PLXNB3: variants seen among roughly 807,000 people sequenced by gnomAD.
PLXNB3 encodes plexin-B3.
In PLXNB3, 80 loss-of-function variants were observed where a neutral mutation model predicts 125.7. The observed-to-expected ratio is 0.64, with a 90% confidence interval of 0.53 to 0.77. The LOEUF (loss-of-function observed/expected upper bound fraction) is 0.77. Ranked by LOEUF, PLXNB3 falls within the 30% of genes least tolerant of loss-of-function variation. PLXNB3 has a pLI of 0.00. For synonymous variants in PLXNB3, 954 were observed against 783.3 expected (o/e 1.22, Z -3.64); for missense variants, 1,836 against 1,729.3 (o/e 1.06, Z -1.09).
intron 14 of PLXNB3, 32 bp from the exon 15 acceptor site, chrX:153,771,832 G>T: frequency 8.4e-7 from 1 of 1,197,321 alleles, no homozygotes. Context: ...TGGGTGCGGG[G>T]GACCCCATCT....
Position 153,769,832 on chromosome X carries a change from C to T in PLXNB3, c.1522C>T (p.Arg508Trp), listed in dbSNP as rs782060934. The T allele has an allele frequency of 1.3e-5, 16 of 1,203,912 alleles. No individual in the cohort carries two copies. The highest frequency in any genetic ancestry group is 3.0e-5 in the East Asian group (1 of 33,608). Residue 508 changes from arginine to tryptophan, a missense_variant, in exon 7 of 36, where the codon CGG becomes TGG. Physicochemically the swap from Arg to Trp is moderately radical, Grantham distance 101. Transcript: ENST00000361971. Reference sequence around the variant, plus strand: ...GTGTACCCGGAAGGGCCAGTGCGGGCGGGCAGGCCAGCTGAACCAGTGGCT... The same window carrying T: ...GTGTACCCGGAAGGGCCAGTGCGGGTGGGCAGGCCAGCTGAACCAGTGGCT... ...GRCTRKGQCG[R>W]AGQLNQWLWS...
intron 2 of PLXNB3, chrX:153,766,406 G>C (rs964419739): frequency 1.0e-5 from 11 of 1,082,374 alleles, no homozygotes; most frequent in Admixed American, 3.9e-5. Context: ...CTCTTGTCTG[G>C]GTGGTGGGCG....
chrX:153,773,998 A>G lies in PLXNB3; in HGVS notation c.3419A>G (p.Gln1140Arg), dbSNP rs1557062967. The G allele has an allele frequency of 1.7e-6, 2 of 1,208,577 alleles. No individual in the cohort carries two copies. Among genetic ancestry groups the G allele is most frequent in the East Asian group, 5.9e-5 (2 of 33,829 alleles). Residue 1140 changes from glutamine to arginine, a missense_variant, in exon 20 of 36, where the codon CAG becomes CGG. Physicochemically the swap from Gln to Arg is conservative, Grantham distance 43 (BLOSUM62 1). Coordinates refer to ENST00000361971, the MANE Select transcript of PLXNB3 (RefSeq NM_005393.3). ...GACTTCGCCAGTGCCAGTGGGGGCC[A>G]GGGCTTCCTGTACCAGCCCAACCCC... ...QVDFASASGG[Q>R]GFLYQPNPRL...
chrX:153,774,749 G>A lies in PLXNB3; in HGVS notation c.3874G>A (p.Val1292Met), dbSNP rs1557063401. The A allele has an allele frequency of 1.7e-6, 2 of 1,196,814 alleles. No individual in the cohort carries two copies. Among genetic ancestry groups the A allele is most frequent in the Non-Finnish European group, 2.3e-6 (2 of 887,560 alleles). ...QALRDYQKVL[V>M]QLESLETGVG... Reference sequence around the variant, plus strand: ...CCTGCGGGACTACCAGAAGGTGCTAGTGCAGCTGGAGAGCCTGGAGACCGG... The same window carrying A: ...CCTGCGGGACTACCAGAAGGTGCTAATGCAGCTGGAGAGCCTGGAGACCGG... Residue 1292 changes from valine to methionine, a missense_variant, in exon 23 of 36, where the codon GTG (valine) becomes ATG (methionine). Val to Met is a conservative substitution (Grantham distance 21). Coordinates refer to ENST00000361971, the MANE Select transcript of PLXNB3 (RefSeq NM_005393.3).
In PLXNB3 at chrX:153,773,068, G is replaced by C. The variant is rs782704184; in HGVS notation, c.2906+52G>C. 3 of 1,111,964 alleles carry C rather than the reference G, an allele frequency of 2.7e-6. No homozygotes were observed. The African/African-American group carries it at 5.5e-5, about 20-fold the overall frequency. The allele number at this position is 1,111,964 out of a possible 1,213,427, so 91.6% of individuals were successfully genotyped here. A position where few individuals can be genotyped will look rare whatever the true frequency, so the allele number is the denominator to read the frequency against. ...GTGGTGGGCACTCCCATAGGCCTCA[G>C]TGGGGGTGGTACATTTAGAGAAGTG... On this transcript the variant is annotated intron_variant, in intron 17 of 35. Transcript: ENST00000361971.
chrX:153,771,782 T>C (rs1557061992), intron 14 of PLXNB3, 82 bp from the exon 15 acceptor site: 1 of 1,147,304 alleles, frequency 8.7e-7, no homozygotes, highest in African/African-American at 1.8e-5. Context: ...CTGGCTGGGC[T>C]GGTTGGCTGG....
Position 153,776,203 on chromosome X carries a change from C to T in PLXNB3, c.4718C>T (p.Ala1573Val), listed in dbSNP as rs781853080. The change falls in exon 27 of 36, where the codon GCC (alanine) becomes GTC (valine). Residue 1573 changes from alanine to valine, a missense_variant. By Grantham distance (64) the Ala-to-Val change is moderately conservative. Coordinates refer to ENST00000361971, the MANE Select transcript of PLXNB3 (RefSeq NM_005393.3). ...TPFSQRPSVHALDLEWRSGLA... is the reference protein window; with the variant it reads ...TPFSQRPSVHVLDLEWRSGLA... ...TTCTCCCAGAGGCCCTCAGTGCATG[C>T]CCTAGACCTTGGTGAGAGAGCCAGC... 8 of 1,174,337 alleles carry T rather than the reference C, an allele frequency of 6.8e-6. No homozygotes were observed. In the Admixed American group the frequency reaches 1.6e-4, roughly 24 times the overall value.
chrX:153,778,529 C>A (rs1306418698), intron 34 of PLXNB3, 58 bp downstream of exon 34: 23 of 1,179,608 alleles, frequency 1.9e-5, no homozygotes, highest in Non-Finnish European at 2.1e-5. Context: ...ACTAGCAGAG[C>A]AGAGGGGGGA....
At chrX:153,768,516 G>C (rs782331333) in intron 4 of PLXNB3, 88 bp downstream of exon 4, 76 of 874,663 alleles carry the variant, frequency 8.7e-5, no homozygotes, top group Non-Finnish European at 1.2e-4. Flanking sequence ...CTCTTAGCCC[G>C]CATCCCACGG....
rs782239104 is a variant in PLXNB3 at position 153,768,286 on chromosome X, C to T, written c.1124C>T (p.Thr375Ile). The change falls in exon 4 of 36, where the codon ACC (threonine) becomes ATC (isoleucine). Residue 375 changes from threonine to isoleucine, a missense_variant. Physicochemically the swap from Thr to Ile is moderately conservative, Grantham distance 89. Transcript: ENST00000361971. Reference sequence around the variant, plus strand: ...TCGTACCCCTGTGGCGACGAGCACACCCCCAGCCCCATTGCTGGCCGCCAG... The same window carrying T: ...TCGTACCCCTGTGGCGACGAGCACATCCCCAGCCCCATTGCTGGCCGCCAG... ...PESYPCGDEH[T>I]PSPIAGRQPL... The T allele has an allele frequency of 3.3e-6, 4 of 1,206,181 alleles. No individual in the cohort carries two copies. Among genetic ancestry groups the T allele is most frequent in the South Asian group, 1.8e-5 (1 of 56,736 alleles).
intron 2 of PLXNB3, chrX:153,766,585 G>T: frequency 1.9e-6 from 2 of 1,047,731 alleles, no homozygotes; most frequent in Non-Finnish European, 2.4e-6. Context: ...TGCATATAAA[G>T]TAGGAGATGA....
At chrX:153,768,193 C>CA in intron 3 of PLXNB3, 56 bp from the exon 4 acceptor site, 1 of 1,095,827 alleles carries the variant, frequency 9.1e-7, no homozygotes, top group Non-Finnish European at 1.2e-6. Context: ...GGGTACCCCC[C>CA]CTGACTGCCT....
chrX:153,771,946 T>C lies in PLXNB3; in HGVS notation c.2600T>C (p.Val867Ala). 1 of 1,209,588 alleles carries C rather than the reference T, an allele frequency of 8.3e-7. No individual in the cohort carries two copies. Among genetic ancestry groups the C allele is most frequent in the Non-Finnish European group, 1.1e-6 (1 of 895,133 alleles). Residue 867 changes from valine to alanine, a missense_variant, in exon 15 of 36, where the codon GTG (valine) becomes GCG (alanine). Coordinates refer to ENST00000361971, the MANE Select transcript of PLXNB3 (RefSeq NM_005393.3). ...GSNLGRAFAD[V>A]QYAVSVASRP... ...AACCTGGGCCGGGCCTTCGCCGATG[T>C]GCAGTACGCCGTGAGCGTGGCCAGC...
chrX:153,773,297 G>A lies in PLXNB3; in HGVS notation c.2974G>A (p.Ala992Thr), dbSNP rs782334605. The A allele has an allele frequency of 5.0e-6, 6 of 1,210,422 alleles. No individual in the cohort carries two copies. Among genetic ancestry groups the A allele is most frequent in the Admixed American group, 4.3e-5 (2 of 46,088 alleles). Residue 992 changes from alanine (A) to threonine (T), a missense_variant, in exon 18 of 36, where the codon GCG becomes ACG. Ala to Thr is a moderately conservative substitution (Grantham distance 58, BLOSUM62 0). Coordinates refer to ENST00000361971, the MANE Select transcript of PLXNB3 (RefSeq NM_005393.3). ...TRPQAAPGEAAVLVVFGHAQR... is the reference protein window; with the variant it reads ...TRPQAAPGEATVLVVFGHAQR... Reference sequence around the variant, plus strand: ...GCCCCAGGCTGCCCCAGGAGAAGCAGCGGTCCTTGTGGTCTTTGGCCATGC... The same window carrying A: ...GCCCCAGGCTGCCCCAGGAGAAGCAACGGTCCTTGTGGTCTTTGGCCATGC...
At position 153,772,212 on chromosome X, in the gene PLXNB3, T is replaced by C. The variant is rs975250973; in HGVS notation, c.2700T>C (p.Asn900=). 3 of 1,208,309 alleles carry C rather than the reference T, an allele frequency of 2.5e-6. No homozygotes were observed. Among genetic ancestry groups the C allele is most frequent in the African/African-American group, 3.5e-5 (2 of 57,327 alleles). ...TGTGTGTGACATCTCCTGCCCCCAATGGCACCACTGGGCCCGTCCGGGTGG... is the reference window on the plus strand; with the variant it reads ...TGTGTGTGACATCTCCTGCCCCCAACGGCACCACTGGGCCCGTCCGGGTGG... ...RIVCVTSPAP[N]GTTGPVRVAI... Residue 900 remains asparagine, a synonymous_variant, in exon 16 of 36, where the codon AAT becomes AAC. Transcript: ENST00000361971.
Position 153,773,548 on chromosome X carries a change from C to T in PLXNB3, c.3114C>T (p.Thr1038=), listed in dbSNP as rs200703010. The change falls in exon 19 of 36, where the codon ACC becomes ACT. Residue 1038 remains threonine, a synonymous_variant. Coordinates refer to ENST00000361971, the MANE Select transcript of PLXNB3 (RefSeq NM_005393.3). ...GGCGACTGATCCGTGTCAGGGGCAC[C>T]GGCCTAGACGTGGTGCAGCGGCCCC... is the stretch of plus-strand genomic sequence containing the variant. ...GGGRLIRVRG[T]GLDVVQRPLL... is the part of the protein sequence containing the mutation. 34 of 1,199,546 alleles carry T rather than the reference C, an allele frequency of 2.8e-5. No homozygotes were observed. In the Admixed American group the frequency reaches 4.7e-4, roughly 17 times the overall value.
At position 153,771,375 on chromosome X, in the gene PLXNB3, G is replaced by A. The variant is rs782381462; in HGVS notation, c.2319G>A (p.Gln773=). 1.2e-5 allele frequency: 14 copies of A among 1,209,468 alleles called. No individual in the cohort carries two copies. In the Admixed American group the frequency reaches 3.0e-4, roughly 26 times the overall value. Residue 773 remains glutamine (Q), a synonymous_variant, in exon 13 of 36, where the codon CAG becomes CAA. Coordinates refer to ENST00000361971, the MANE Select transcript of PLXNB3 (RefSeq NM_005393.3). ...VPIYVTQGEA[Q]RLDNTHALYV... is the part of the protein sequence containing the mutation. ...TCTACGTCACCCAGGGTGAAGCCCA[G>A]AGGCTGGACAACACCCATGCTCTTT...
At position 153,767,278 on chromosome X, in the gene PLXNB3, G is replaced by A. The variant is rs782715395; in HGVS notation, c.451G>A (p.Val151Met). 3.3e-6 allele frequency: 4 copies of A among 1,205,679 alleles called. No homozygotes were observed. In the African/African-American group the frequency reaches 7.0e-5, roughly 21 times the overall value. The change falls in exon 3 of 36, where the codon GTG (valine) becomes ATG (methionine). Residue 151 changes from valine to methionine, a missense_variant. Coordinates refer to ENST00000361971, the MANE Select transcript of PLXNB3 (RefSeq NM_005393.3). ...ACGGCGCCTTGGGGATGTGGCCGAG[G>A]TGCTGTACCAGGCTGAGGACCCTGG... ...ETRRLGDVAE[V>M]LYQAEDPGDG...
At chrX:153,770,687 C>T (rs1557061478) in intron 10 of PLXNB3, 45 bp downstream of exon 10, 11 of 1,205,852 alleles carry the variant, frequency 9.1e-6, no homozygotes, top group African/African-American at 1.7e-5. Context: ...TGTCCCTTCT[C>T]CACCCTTCCC....
Sources: gnomAD v4.1 joint callset for allele counts on GRCh38, gnomAD v4.1.1 for gene constraint, MANE v1.5 for transcripts, NCBI Gene and HGNC (gene_info 2026-07-23, HGNC 2026-07-21) for gene names.